RPIA: variants seen among roughly 807,000 people sequenced by gnomAD.
RPIA encodes the protein ribose-5-phosphate isomerase.
In RPIA, 29 loss-of-function variants were observed where a neutral mutation model predicts 37.8. The ratio of observed to expected loss-of-function variants is 0.77; its 90% CI spans 0.57 to 1.05. The LOEUF (loss-of-function observed/expected upper bound fraction) is 1.05, where lower values mean the gene tolerates loss of function less well. Ranked by LOEUF, RPIA falls within the 50% of genes least tolerant of loss-of-function variation. RPIA has a pLI of 0.00. For missense variants in RPIA, 385 were observed against 413.6 expected (o/e 0.93, Z 0.60); for synonymous variants, 167 against 157.0 (o/e 1.06, Z -0.48).
intron 4 of RPIA, among the ~76,000 whole-genome samples, chr2:88,732,822 G>T (rs1480136168): frequency 6.7e-6 from 1 of 150,318 alleles, no homozygotes; most frequent in Non-Finnish European, 1.5e-5. Flanking sequence ...GTCCAGAGGA[G>T]ACTGATGTTG....
chr2:88,726,703 G>A (rs1573472997), intron 3 of RPIA, among the ~76,000 whole-genome samples: 1 of 152,192 alleles, frequency 6.6e-6, no homozygotes, highest in Non-Finnish European at 1.5e-5. Context: ...GGACATGACA[G>A]CTATTTTTAA....
intron 3 of RPIA, among the ~76,000 whole-genome samples, chr2:88,713,297 A>G (rs557695432): frequency 4.0e-5 from 6 of 151,146 alleles, no homozygotes; most frequent in Admixed American, 1.3e-4. Flanking sequence ...GAATAGCTGG[A>G]ATACAAATGT....
At position 88,734,478 on chromosome 2, in the gene RPIA, C is replaced by T. The variant is rs1673291066; in HGVS notation, c.463-74C>T. ...ACAGGGCTGCTGAGTATCTGATGAGCTATCGCATGCTCAGGCAATTAGCAG... is the reference window on the plus strand; with the variant it reads ...ACAGGGCTGCTGAGTATCTGATGAGTTATCGCATGCTCAGGCAATTAGCAG... On this transcript the variant is annotated intron_variant, in intron 4 of 8. Coordinates refer to ENST00000283646, the MANE Select transcript of RPIA (RefSeq NM_144563.3). The T allele has an allele frequency of 6.6e-6, 9 of 1,370,308 alleles. No individual in the cohort carries two copies. In the South Asian group the frequency reaches 1.0e-4, roughly 16 times the overall value. The allele number at this position is 1,370,308 out of a possible 1,614,324, so 84.9% of individuals were successfully genotyped here. A position where few individuals can be genotyped will look rare whatever the true frequency, so the allele number is the denominator to read the frequency against.
chr2:88,746,162 C>T (rs1190852977), intron 8 of RPIA, among the ~76,000 whole-genome samples: 1 of 150,812 alleles, frequency 6.6e-6, no homozygotes, highest in East Asian at 1.9e-4. Context: ...ATATCTGTTT[C>T]TCTGGAGTCC....
chr2:88,697,884 T>C (rs1363229087), intron 1 of RPIA, among the ~76,000 whole-genome samples: 2 of 152,076 alleles, frequency 1.3e-5, no homozygotes, highest in Admixed American at 6.6e-5. Context: ...TTGGGAGAGC[T>C]CTAGATGGTG....
chr2:88,721,573 C>CA (rs1558694806), intron 3 of RPIA, among the ~76,000 whole-genome samples: 748 of 23,758 alleles, frequency 0.031, 5 homozygotes, highest in Middle Eastern at 0.083. Flanking sequence ...ACACACACAC[C>CA]CCCCCCCCCA....
chr2:88,713,803 C>T (rs547117708), intron 3 of RPIA, among the ~76,000 whole-genome samples: 1 of 151,822 alleles, frequency 6.6e-6, no homozygotes, highest in African/African-American at 2.4e-5. Context: ...TTTTTCTGAC[C>T]CTTTTATTGA....
chr2:88,700,767 G>A (rs536641638), intron 3 of RPIA, among the ~76,000 whole-genome samples: 1 of 152,336 alleles, frequency 6.6e-6, no homozygotes, highest in East Asian at 1.9e-4. Flanking sequence ...AATATAGGGA[G>A]AGATAAGGGA....
intron 3 of RPIA, among the ~76,000 whole-genome samples, chr2:88,706,564 G>C (rs910698623): frequency 1.3e-5 from 2 of 151,978 alleles, no homozygotes; most frequent in Non-Finnish European, 2.9e-5. Context: ...GGGGGTGTGG[G>C]GGGAGGGAGA....
At position 88,692,095 on chromosome 2, in the gene RPIA, G is replaced by C. The variant is rs949620933; in HGVS notation, c.285+112G>C. The C allele has an allele frequency of 3.0e-6, 4 of 1,335,734 alleles. No homozygotes were observed. In the Admixed American group the frequency reaches 6.3e-5, roughly 21 times the overall value. 82.7% of individuals were successfully genotyped at this position (1,335,734 alleles called of 1,614,324 possible). On this transcript the variant is annotated intron_variant, in intron 1 of 8. Transcript: ENST00000283646. ...CCTAGCTCCTGGCAGGGCGGGAGCT[G>C]AGTGAGAGGGTAGAGGGTGTGCACT... is the stretch of plus-strand genomic sequence containing the variant.
rs564839973 is a variant in RPIA, at chr2:88,706,086, A to C, written c.402+6022A>C. Among the ~76,000 whole-genome samples, 6 of 152,278 alleles carry C rather than the reference A, an allele frequency of 3.9e-5. No individual in the cohort carries two copies. The South Asian group carries it at 1.2e-3, about 32-fold the overall frequency. On this transcript the variant is annotated intron_variant, in intron 3 of 8. Transcript: ENST00000283646. ...TGCTGAGGAGGCTGTGGAGACAGGA[A>C]TGCTTTTACATTGTTGGTAGGAATG... is the stretch of plus-strand genomic sequence containing the variant.
In RPIA at chr2:88,699,974, GTGAAAAACTGCCAATA is replaced by G; in HGVS notation, c.347-32_347-17del. On this transcript the variant is annotated intron_variant, in intron 2 of 8. Coordinates refer to ENST00000283646, the MANE Select transcript of RPIA (RefSeq NM_144563.3). ...TGACAAGAAGAATAAAGTAAGGAGAGTGAAAAACTGCCAATATGGCTTTTGTTTCCACAGCTGAAAG... is the reference window on the plus strand; with the variant it reads ...TGACAAGAAGAATAAAGTAAGGAGAGTGGCTTTTGTTTCCACAGCTGAAAG... 1 of 1,610,916 alleles carries G rather than the reference GTGAAAAACTGCCAATA, an allele frequency of 6.2e-7. No homozygotes were observed. The highest frequency in any genetic ancestry group is 8.5e-7 in the Non-Finnish European group (1 of 1,177,084).
intron 4 of RPIA, among the ~76,000 whole-genome samples, chr2:88,733,524 C>T (rs138918020): frequency 1.1e-3 from 173 of 152,246 alleles, no homozygotes; most frequent in African/African-American, 3.8e-3. Context: ...GGAGCCCAGA[C>T]AGAAAAGGTT....
chr2:88,742,077 C>G (rs1203465079), intron 8 of RPIA, among the ~76,000 whole-genome samples: 1 of 152,048 alleles, frequency 6.6e-6, no homozygotes, highest in Non-Finnish European at 1.5e-5. Context: ...ACCTACTTAT[C>G]TTTGTTTTTG....
intron 3 of RPIA, among the ~76,000 whole-genome samples, chr2:88,711,929 C>G (rs111973839): frequency 1.3e-5 from 2 of 152,226 alleles, no homozygotes; most frequent in African/African-American, 4.8e-5. Flanking sequence ...TGCTTGAGCT[C>G]AGTTCGAGAC....
At chr2:88,732,728 T>TAAAAAAAAAAAAAAAAA (rs75685116) in intron 4 of RPIA, among the ~76,000 whole-genome samples, 1 of 2,006 alleles carries the variant, frequency 5.0e-4, no homozygotes, top group Non-Finnish European at 8.1e-4. Context: ...TAGAGTATAA[T>TAAAAAAAAAAAAAAAAA]AAAAAAAAAA....
At chr2:88,744,912 AC>A (rs1673423531) in intron 8 of RPIA, among the ~76,000 whole-genome samples, 1 of 152,164 alleles carries the variant, frequency 6.6e-6, no homozygotes, top group South Asian at 2.1e-4. Flanking sequence ...TCTCTTGAAG[AC>A]AACAGATACA....
intron 8 of RPIA, among the ~76,000 whole-genome samples, chr2:88,742,874 G>C (rs1383322760): frequency 1.3e-5 from 2 of 152,140 alleles, no homozygotes; most frequent in African/African-American, 4.8e-5. Context: ...CAGTGCCACT[G>C]ATTTGTGCAC....
intron 8 of RPIA, among the ~76,000 whole-genome samples, chr2:88,744,567 G>C (rs563692677): frequency 6.6e-6 from 1 of 152,246 alleles, no homozygotes; most frequent in Admixed American, 6.5e-5. Flanking sequence ...CTGTCTTGAT[G>C]ACCTGTCTAG....
Sources: allele counts gnomAD v4.1 joint callset (sites outside exome capture counted in the v4.1 genomes callset), GRCh38; gene constraint gnomAD v4.1.1; transcripts MANE v1.5; gene names NCBI Gene and HGNC (gene_info 2026-07-23, HGNC 2026-07-21).